The following RGL1 variants were observed in gnomAD, a reference collection of about 807,000 sequenced individuals.
RGL1 encodes ral guanine nucleotide dissociation stimulator-like 1.
Under a neutral mutation model 95.2 loss-of-function variants are expected in RGL1, and 24 were observed. The ratio of observed to expected loss-of-function variants is 0.25; its 90% CI spans 0.18 to 0.35. The LOEUF is 0.35. RGL1 is among the 10% of genes least tolerant of loss of function. RGL1 has a pLI of 1.00. For synonymous variants in RGL1, 329 were observed against 344.9 expected (o/e 0.95, Z 0.51); for missense variants, 715 against 936.3 (o/e 0.76, Z 3.08).
At chr1:183,861,774 G>A (rs1190536520) in intron 3 of RGL1, among the ~76,000 whole-genome samples, 2 of 152,156 alleles carry the variant, frequency 1.3e-5, no homozygotes, top group African/African-American at 2.4e-5. Context: ...ACACGACATC[G>A]TTGACAGGTT....
intron 9 of RGL1, among the ~76,000 whole-genome samples, chr1:183,894,639 G>A (rs1159247798): frequency 6.6e-6 from 1 of 152,006 alleles, no homozygotes; most frequent in African/African-American, 2.4e-5. Context: ...TCTGTTTCTA[G>A]TGTTACTCCT....
At chr1:183,738,519 AT>A (rs1201193489) in intron 1 of RGL1, among the ~76,000 whole-genome samples, 2 of 152,178 alleles carry the variant, frequency 1.3e-5, no homozygotes, top group Non-Finnish European at 2.9e-5. Context: ...TCCTATTTTA[AT>A]TTTAACAAAA....
intron 2 of RGL1, among the ~76,000 whole-genome samples, chr1:183,779,794 A>G (rs1453106444): frequency 1.3e-5 from 2 of 151,822 alleles, no homozygotes; most frequent in Non-Finnish European, 2.9e-5. Context: ...GTAAATTTGT[A>G]TCTTTTTTTT....
intron 2 of RGL1, among the ~76,000 whole-genome samples, chr1:183,837,349 A>G (rs1274167064): frequency 1.3e-5 from 2 of 152,168 alleles, no homozygotes; most frequent in African/African-American, 4.8e-5. Flanking sequence ...CTGCACAAAA[A>G]CAGAATGGAC....
At chr1:183,702,476 C>G (rs1430204390) in intron 1 of RGL1, among the ~76,000 whole-genome samples, 1 of 152,248 alleles carries the variant, frequency 6.6e-6, no homozygotes, top group African/African-American at 2.4e-5. Context: ...GTAGATCCAT[C>G]AGATGAACGC....
At chr1:183,659,459 G>A (rs1239085524) in intron 1 of RGL1, among the ~76,000 whole-genome samples, 3 of 152,220 alleles carry the variant, frequency 2.0e-5, no homozygotes, top group Non-Finnish European at 4.4e-5. Context: ...GGGTATCAGT[G>A]ATGGAAGATG....
chr1:183,887,567 T>A (rs754344335), intron 7 of RGL1, among the ~76,000 whole-genome samples: 42 of 152,224 alleles, frequency 2.8e-4, no homozygotes, highest in Non-Finnish European at 4.9e-4. Context: ...ATATGAAGCA[T>A]CTCCTTTGAC....
At chr1:183,775,561 C>G (rs530270386) in intron 2 of RGL1, among the ~76,000 whole-genome samples, 1 of 152,262 alleles carries the variant, frequency 6.6e-6, no homozygotes, top group East Asian at 1.9e-4. Flanking sequence ...GAGAAAAGCC[C>G]ATGGATTTTG....
chr1:183,773,034 A>G (rs948767415), intron 2 of RGL1, among the ~76,000 whole-genome samples: 2 of 150,174 alleles, frequency 1.3e-5, no homozygotes, highest in Non-Finnish European at 3.0e-5. Context: ...AAAAAAAAAA[A>G]AAAAAAAAAA....
chr1:183,745,410 A>G (rs2102266764), intron 2 of RGL1, among the ~76,000 whole-genome samples: 1 of 152,192 alleles, frequency 6.6e-6, no homozygotes, highest in Middle Eastern at 3.4e-3. Flanking sequence ...TTCTGACCTC[A>G]TGATGATAAA....
intron 2 of RGL1, among the ~76,000 whole-genome samples, chr1:183,815,135 A>G (rs1296697008): frequency 1.3e-5 from 2 of 152,138 alleles, no homozygotes; most frequent in East Asian, 3.9e-4. Context: ...TTAGCCAGGC[A>G]TGGTGGCATG....
chr1:183,747,886 T>G (rs1657744586), intron 2 of RGL1, among the ~76,000 whole-genome samples: 1 of 152,194 alleles, frequency 6.6e-6, no homozygotes, highest in Non-Finnish European at 1.5e-5. Context: ...TTTCTATGAT[T>G]TGGAATAGTT....
intron 1 of RGL1, among the ~76,000 whole-genome samples, chr1:183,667,021 C>G (rs975492330): frequency 1.1e-4 from 16 of 152,168 alleles, no homozygotes; most frequent in African/African-American, 3.9e-4. Flanking sequence ...TATTTTGATA[C>G]TCTGTTGTTA....
chr1:183,794,201 A>G (rs1458408627), intron 2 of RGL1, among the ~76,000 whole-genome samples: 1 of 152,158 alleles, frequency 6.6e-6, no homozygotes, highest in Non-Finnish European at 1.5e-5. Context: ...AAAGACAAAT[A>G]TTGCATGTTC....
intron 1 of RGL1, among the ~76,000 whole-genome samples, chr1:183,712,530 C>T (rs1393092666): frequency 1.3e-5 from 2 of 152,178 alleles, no homozygotes; most frequent in Non-Finnish European, 2.9e-5. Flanking sequence ...CACATGCACA[C>T]ACATTCATGT....
rs138419999 is a variant in RGL1, at chr1:183,843,985, C to T, written c.139-3581C>T. Reference sequence around the variant, plus strand: ...TGAGACTACAGGCACGCACATTACACGTGGCTGATTTTGTATTTTTAGTAG... The same window carrying T: ...TGAGACTACAGGCACGCACATTACATGTGGCTGATTTTGTATTTTTAGTAG... On this transcript the variant is annotated intron_variant, in intron 2 of 17. Coordinates refer to ENST00000360851, the MANE Select transcript of RGL1 (RefSeq NM_001297671.3). Among the ~76,000 whole-genome samples the T allele has an allele frequency of 3.9e-3, 594 of 152,200 alleles. 1 individual carries two copies. The highest frequency in any genetic ancestry group is 3.2e-3 in the Non-Finnish European group (221 of 68,000).
intron 1 of RGL1, among the ~76,000 whole-genome samples, chr1:183,664,973 A>G (rs1298173173): frequency 1.3e-5 from 2 of 152,090 alleles, no homozygotes; most frequent in Admixed American, 6.6e-5. Flanking sequence ...TCTTAGTGGG[A>G]AAGCTTTATT....
chr1:183,803,781 G>C (rs1661117768), upstream of RGL1, among the ~76,000 whole-genome samples: 1 of 152,182 alleles, frequency 6.6e-6, no homozygotes, highest in Non-Finnish European at 1.5e-5. Flanking sequence ...AGGTGGGCCT[G>C]GGTTCCTGAG....
intron 1 of RGL1, among the ~76,000 whole-genome samples, chr1:183,716,747 C>G (rs912447468): frequency 7.9e-5 from 12 of 152,222 alleles, no homozygotes; most frequent in Admixed American, 7.2e-4. Context: ...GGCTGGTGAT[C>G]TTTTCTTGTC....
Sources: gnomAD v4.1 joint callset for allele counts (sites outside exome capture counted in the v4.1 genomes callset) on GRCh38, gnomAD v4.1.1 for gene constraint, MANE v1.5 for transcripts, NCBI Gene and HGNC (gene_info 2026-07-23, HGNC 2026-07-21) for gene names.